GABRA2: variants seen among roughly 807,000 people sequenced by gnomAD.
GABRA2 encodes gamma-aminobutyric acid receptor subunit alpha-2.
In GABRA2, 16 loss-of-function variants were observed where a neutral mutation model predicts 48.7. The ratio of observed to expected loss-of-function variants is 0.33; its 90% CI spans 0.22 to 0.50. The LOEUF (loss-of-function observed/expected upper bound fraction) is 0.50, where lower values mean the gene tolerates loss of function less well. GABRA2 is among the 20% of genes least tolerant of loss of function. GABRA2 has a pLI of 0.98. For missense variants in GABRA2, 275 were observed against 535.6 expected, an observed-to-expected ratio of 0.51 and a Z score of 4.80; for synonymous variants, 185 against 184.5, an observed-to-expected ratio of 1.00 and a Z score of -0.02.
At chr4:46,281,276 T>C (rs1432125808) in intron 8 of GABRA2, among the ~76,000 whole-genome samples, 2 of 152,274 alleles carry the variant, frequency 1.3e-5, no homozygotes, top group East Asian at 3.9e-4. Flanking sequence ...AGGGAGAAGA[T>C]CTGTACAAAA....
rs922087452 is a variant in GABRA2 at position 46,249,379 on chromosome 4, T to C, written c.*929A>G. ...AGAATCATATAAGTGTTTGTCATAG[T>C]GTGGGGCACCTATGAATTCTCATCA... is the stretch of plus-strand genomic sequence containing the variant. On this transcript the variant is annotated 3_prime_UTR_variant, in exon 10 of 10. Transcript: ENST00000381620. The C allele has an allele frequency of 6.6e-6, 1 of 151,256 alleles. No individual in the cohort carries two copies. The highest frequency in any genetic ancestry group is 1.5e-5 in the Non-Finnish European group (1 of 67,610). 9.4% of individuals were successfully genotyped at this position (151,256 alleles called of 1,614,324 possible).
At chr4:46,326,933 C>A (rs1163708026) in intron 4 of GABRA2, among the ~76,000 whole-genome samples, 1 of 151,872 alleles carries the variant, frequency 6.6e-6, no homozygotes, top group Non-Finnish European at 1.5e-5. Flanking sequence ...TCACCCAATT[C>A]CCCAAGATGT....
Position 46,348,966 on chromosome 4 carries a change from C to G in GABRA2, c.188-16284G>C, listed in dbSNP as rs577125853. Among the ~76,000 whole-genome samples the G allele has an allele frequency of 1.3e-3, 202 of 151,818 alleles. 1 individual carries two copies. Among genetic ancestry groups the G allele is most frequent in the African/African-American group, 4.7e-3 (194 of 41,440 alleles). ...AAAAAAAGAAATTGCCACAGCTATC[C>G]CAATCTTCAGCAACCATCACCCTGA... On this transcript the variant is annotated intron_variant, in intron 3 of 9. Coordinates refer to ENST00000381620, the MANE Select transcript of GABRA2 (RefSeq NM_000807.4).
chr4:46,342,671 A>G (rs6825999), intron 3 of GABRA2, among the ~76,000 whole-genome samples: 2,859 of 152,062 alleles, frequency 0.019, 95 homozygotes, highest in African/African-American at 0.065. Flanking sequence ...TTTTAGAGAA[A>G]AGGTCTTACT....
chr4:46,258,186 A>G (rs942758861), intron 9 of GABRA2, among the ~76,000 whole-genome samples: 2 of 151,832 alleles, frequency 1.3e-5, no homozygotes, highest in Non-Finnish European at 2.9e-5. Flanking sequence ...TCTTTAACTC[A>G]TACCATATTT....
At chr4:46,325,834 C>A (rs549310549) in intron 4 of GABRA2, among the ~76,000 whole-genome samples, 1 of 152,092 alleles carries the variant, frequency 6.6e-6, no homozygotes, top group Non-Finnish European at 1.5e-5. Context: ...AATAAGGAGT[C>A]CTTACCCCAC....
At chr4:46,294,042 C>T (rs2109556739) in intron 8 of GABRA2, among the ~76,000 whole-genome samples, 1 of 152,338 alleles carries the variant, frequency 6.6e-6, no homozygotes, top group Non-Finnish European at 1.5e-5. Flanking sequence ...CCATTCTTGT[C>T]CATAAGGCCC....
chr4:46,251,323 T>C (rs1326177262), intron 9 of GABRA2, among the ~76,000 whole-genome samples: 1 of 151,578 alleles, frequency 6.6e-6, no homozygotes, highest in Non-Finnish European at 1.5e-5. Context: ...TTTTAAGACA[T>C]AAATTGGATC....
chr4:46,374,846 T>C (rs936180667), intron 3 of GABRA2, among the ~76,000 whole-genome samples: 10 of 151,386 alleles, frequency 6.6e-5, no homozygotes, highest in Non-Finnish European at 1.5e-4. Context: ...CAAAAAAAAA[T>C]GGCATCACAC....
Position 46,310,223 on chromosome 4 carries a change from A to G in GABRA2, c.509T>C (p.Leu170Ser), listed in dbSNP as rs749473765. 1 of 1,613,758 alleles carries G rather than the reference A, an allele frequency of 6.2e-7. No individual in the cohort carries two copies. The highest frequency in any genetic ancestry group is 8.5e-7 in the Non-Finnish European group (1 of 1,179,762). ...ATGAGCATCCATTGGGAAATCCTCC[A>G]AGTGCATTGGGCATTCAGCTTGAAC... The part of the protein sequence containing the change: ...LTVQAECPMH[L>S]EDFPMDAHSC... The change falls in exon 6 of 10, where the codon TTG becomes TCG. Residue 170 changes from leucine to serine, a missense_variant. By Grantham distance (145) the Leu-to-Ser change is moderately radical (BLOSUM62 -2). Transcript: ENST00000381620.
At chr4:46,251,901 A>C (rs1156927720) in intron 9 of GABRA2, among the ~76,000 whole-genome samples, 2 of 151,478 alleles carry the variant, frequency 1.3e-5, no homozygotes, top group Non-Finnish European at 3.0e-5. Context: ...ATTTAATAAA[A>C]TGAAAATATA....
chr4:46,266,702 T>C (rs956039787), intron 8 of GABRA2, among the ~76,000 whole-genome samples: 4 of 150,334 alleles, frequency 2.7e-5, no homozygotes, highest in Middle Eastern at 3.4e-3. Context: ...TTAGCCACCA[T>C]GTCTTCAAAT....
chr4:46,303,189 TACAG>T (rs776869293), intron 8 of GABRA2: 7 of 404,524 alleles, frequency 1.7e-5, no homozygotes, highest in Non-Finnish European at 3.1e-5. Context: ...GTAAATATAG[TACAG>T]ACAAATGTTG....
At chr4:46,295,645 C>T (rs894734780) in intron 8 of GABRA2, among the ~76,000 whole-genome samples, 1 of 152,162 alleles carries the variant, frequency 6.6e-6, no homozygotes, top group African/African-American at 2.4e-5. Context: ...CAAGGCTGAC[C>T]TGGCTACAGC....
At chr4:46,271,252 G>T (rs1719278801) in intron 8 of GABRA2, among the ~76,000 whole-genome samples, 1 of 151,786 alleles carries the variant, frequency 6.6e-6, no homozygotes, top group Non-Finnish European at 1.5e-5. Flanking sequence ...CTGATAACAT[G>T]TGTTGGGTTT....
At chr4:46,345,102 A>G (rs540884673) in intron 3 of GABRA2, among the ~76,000 whole-genome samples, 19 of 151,786 alleles carry the variant, frequency 1.3e-4, no homozygotes, top group East Asian at 1.2e-3. Flanking sequence ...ACGAGATCCA[A>G]TGGTTTTATA....
At position 46,374,461 on chromosome 4, in the gene GABRA2, A is replaced by G. The variant is rs16859352; in HGVS notation, c.187+11613T>C. Among the ~76,000 whole-genome samples the G allele has an allele frequency of 8.5e-3, 1,292 of 152,276 alleles. 16 individuals are homozygous for G. The highest frequency in any genetic ancestry group is 0.029 in the African/African-American group (1,201 of 41,558). On this transcript the variant is annotated intron_variant, in intron 3 of 9. Coordinates refer to ENST00000381620, the MANE Select transcript of GABRA2 (RefSeq NM_000807.4). ...AATATGTTAGGTCCCATTATAAAAC[A>G]CAATCTAAATAACGTATTTTGTAAT...
intron 3 of GABRA2, among the ~76,000 whole-genome samples, chr4:46,362,265 A>G (rs974673065): frequency 6.6e-6 from 1 of 152,182 alleles, no homozygotes; most frequent in Non-Finnish European, 1.5e-5. Flanking sequence ...AATAAGTCTC[A>G]TGAGATCTGA....
At chr4:46,252,152 T>C (rs1213477025) in intron 9 of GABRA2, among the ~76,000 whole-genome samples, 1 of 151,432 alleles carries the variant, frequency 6.6e-6, no homozygotes, top group African/African-American at 2.4e-5. Context: ...AAAACAGTCA[T>C]GGATTACCCA....
Sources: gnomAD v4.1 joint callset for allele counts (sites outside exome capture counted in the v4.1 genomes callset) on GRCh38, gnomAD v4.1.1 for gene constraint, MANE v1.5 for transcripts, NCBI Gene and HGNC (gene_info 2026-07-23, HGNC 2026-07-21) for gene names.